Variants in SMCHD1 observed in about 807,000 individuals in gnomAD.
SMCHD1 encodes structural maintenance of chromosomes flexible hinge domain-containing protein 1.
Under a neutral mutation model 254.7 loss-of-function variants are expected in SMCHD1, and 78 were observed. That is an observed-to-expected ratio of 0.31 (90% CI 0.26 to 0.37). The LOEUF is 0.37. SMCHD1 is among the 10% of genes least tolerant of loss of function. SMCHD1 has a pLI of 1.00. For synonymous variants in SMCHD1, 766 were observed against 794.9 expected, an observed-to-expected ratio of 0.96 and a Z score of 0.61; for missense variants, 1,840 against 2,408.1, an observed-to-expected ratio of 0.76 and a Z score of 4.94.
intron 1 of SMCHD1, among the ~76,000 whole-genome samples, chr18:2,663,750 T>G (rs2073359316): frequency 6.6e-6 from 1 of 151,596 alleles, no homozygotes; most frequent in African/African-American, 2.4e-5. Context: ...AGTCTCGCTC[T>G]GTCGCCCAGG....
At chr18:2,708,915 T>TATATATAC (rs1568199419) in intron 17 of SMCHD1, among the ~76,000 whole-genome samples, 10 of 90,438 alleles carry the variant, frequency 1.1e-4, no homozygotes, top group Admixed American at 2.4e-4. Context: ...TATAACATAT[T>TATATATAC]AACATGAAAT....
intron 19 of SMCHD1, among the ~76,000 whole-genome samples, chr18:2,720,473 A>C (rs980560153): frequency 6.6e-6 from 1 of 151,882 alleles, no homozygotes; most frequent in Admixed American, 6.6e-5. Flanking sequence ...TTTTTATTAG[A>C]TATTCTGTTA....
At chr18:2,676,215 G>C (rs529368709) in intron 5 of SMCHD1, among the ~76,000 whole-genome samples, 1 of 152,172 alleles carries the variant, frequency 6.6e-6, no homozygotes, top group Non-Finnish European at 1.5e-5. Flanking sequence ...TGTTGTATTG[G>C]AGAGAGAAAC....
rs148162002 is a variant in SMCHD1, at chr18:2,754,988, A to G, written c.4346+2436A>G. ...TGTTGTTTTTGGTTAGAGAGATGCA[A>G]TTGATTTATGTATATTGACCTTGTA... is the stretch of plus-strand genomic sequence containing the variant. On this transcript the variant is annotated intron_variant, in intron 34 of 47. Transcript: ENST00000320876. Among the ~76,000 whole-genome samples the G allele has an allele frequency of 9.2e-5, 14 of 152,176 alleles. 1 individual carries two copies. In the East Asian group the frequency reaches 2.5e-3, roughly 27 times the overall value.
intron 39 of SMCHD1, among the ~76,000 whole-genome samples, chr18:2,770,685 G>T (rs888547806): frequency 6.6e-6 from 1 of 151,910 alleles, no homozygotes; most frequent in African/African-American, 2.4e-5. Context: ...GCAGTGGCAC[G>T]ATCTCACTCA....
chr18:2,751,460 C>G (rs183840894), intron 33 of SMCHD1, 67 bp downstream of exon 33: 2 of 840,896 alleles, frequency 2.4e-6, no homozygotes, highest in African/African-American at 3.7e-5. Flanking sequence ...ACTAAGTCTC[C>G]TTTAATGTAA....
intron 17 of SMCHD1, among the ~76,000 whole-genome samples, chr18:2,710,285 T>A (rs750880188): frequency 6.6e-6 from 1 of 152,240 alleles, no homozygotes; most frequent in Admixed American, 6.5e-5. Flanking sequence ...ACTGTTTTTG[T>A]TTACTGTAGC....
chr18:2,680,013 T>A (rs1481676171), intron 5 of SMCHD1, among the ~76,000 whole-genome samples: 1 of 152,156 alleles, frequency 6.6e-6, no homozygotes, highest in East Asian at 1.9e-4. Flanking sequence ...TTGGTTATTG[T>A]TTTTTCCAAA....
chr18:2,753,917 G>C (rs1456276813), intron 34 of SMCHD1, among the ~76,000 whole-genome samples: 1 of 152,092 alleles, frequency 6.6e-6, no homozygotes, highest in Admixed American at 6.5e-5. Flanking sequence ...ATGTAATAGA[G>C]TGGCATCACA....
chr18:2,721,471 G>A (rs987818526), intron 19 of SMCHD1, among the ~76,000 whole-genome samples: 37 of 152,090 alleles, frequency 2.4e-4, no homozygotes, highest in African/African-American at 8.7e-4. Flanking sequence ...TAAGATGGGC[G>A]TGCTGTAGTT....
At chr18:2,751,190 A>G in intron 32 of SMCHD1, 88 bp from the exon 33 acceptor site, 1 of 678,508 alleles carries the variant, frequency 1.5e-6, no homozygotes, top group East Asian at 3.1e-5. Context: ...ACATTTAAAT[A>G]AGATGTTTGC....
intron 15 of SMCHD1, chr18:2,707,336 C>T: frequency 3.3e-6 from 1 of 301,376 alleles, no homozygotes; most frequent in Non-Finnish European, 6.0e-6. Flanking sequence ...CAGTTTCTGG[C>T]TTTTAATTCC....
chr18:2,787,331 A>G (rs1436179184), intron 45 of SMCHD1, among the ~76,000 whole-genome samples: 3 of 152,148 alleles, frequency 2.0e-5, no homozygotes, highest in Non-Finnish European at 2.9e-5. Context: ...TCACCTCCCA[A>G]CACCACCATA....
intron 5 of SMCHD1, among the ~76,000 whole-genome samples, chr18:2,681,804 C>T (rs1455241292): frequency 2.6e-5 from 4 of 152,088 alleles, no homozygotes; most frequent in Non-Finnish European, 5.9e-5. Context: ...TCTTTCTGCA[C>T]TTTCAACTTG....
At chr18:2,678,483 A>G (rs2073827104) in intron 5 of SMCHD1, among the ~76,000 whole-genome samples, 1 of 151,632 alleles carries the variant, frequency 6.6e-6, no homozygotes. Flanking sequence ...CTCCCGGCTT[A>G]TTTTTGTATT....
At chr18:2,683,310 G>GTT (rs1489267023) in intron 5 of SMCHD1, among the ~76,000 whole-genome samples, 2 of 151,888 alleles carry the variant, frequency 1.3e-5, no homozygotes, top group African/African-American at 4.8e-5. Flanking sequence ...CATCTCACAA[G>GTT]TTTTGTTACA....
intron 44 of SMCHD1, among the ~76,000 whole-genome samples, chr18:2,780,950 C>A (rs2076148028): frequency 6.6e-6 from 1 of 152,236 alleles, no homozygotes; most frequent in Non-Finnish European, 1.5e-5. Flanking sequence ...TCTTAATGAA[C>A]TGGCAAGAGA....
chr18:2,775,068 A>ATTT lies in SMCHD1; in HGVS notation c.5176-637_5176-635dup, dbSNP rs10601895. Among the ~76,000 whole-genome samples the ATTT allele has an allele frequency of 1.6e-3, 115 of 73,062 alleles. 1 individual carries two copies. Among genetic ancestry groups the ATTT allele is most frequent in the Non-Finnish European group, 2.3e-3 (86 of 37,224 alleles). The allele number at this position is 73,062 out of a possible 152,430, so 47.9% of individuals were successfully genotyped here. ...CCTAGAAACAGAAGCAAAAGGAACA[A>ATTT]TTTTTTTTTTTTTTTTTTTTTTTTT... is the stretch of plus-strand genomic sequence containing the variant. On this transcript the variant is annotated intron_variant, in intron 41 of 47. Transcript: ENST00000320876.
At position 2,785,670 on chromosome 18, in the gene SMCHD1, A is replaced by AAAAAAAAAAAAAG. The variant is rs57180698; in HGVS notation, c.5719+1050_5719+1051insAAAAAAAAAAAGA. 2.7e-4 allele frequency among the ~76,000 whole-genome samples: 26 copies of AAAAAAAAAAAAAG among 97,956 alleles called. 6 individuals carry two copies. The highest frequency in any genetic ancestry group is 9.4e-4 in the Admixed American group (6 of 6,372). 64.3% of individuals were successfully genotyped at this position (97,956 alleles called of 152,430 possible). ...CTCAAAAAAAAAAAAAAAAAAAAAAAACAGTTCATTGGTGTTAAGTGCATT... is the reference window on the plus strand; with the variant it reads ...CTCAAAAAAAAAAAAAAAAAAAAAAAAAAAAAAAAAAAGACAGTTCATTGGTGTTAAGTGCATT... On this transcript the variant is annotated intron_variant, in intron 45 of 47. Transcript: ENST00000320876.
Sources: gnomAD v4.1 joint callset for allele counts (sites outside exome capture counted in the v4.1 genomes callset) on GRCh38, gnomAD v4.1.1 for gene constraint, MANE v1.5 for transcripts, NCBI Gene and HGNC (gene_info 2026-07-23, HGNC 2026-07-21) for gene names.